Variants in UNC45A observed in about 807,000 individuals in gnomAD.
The protein encoded by UNC45A is protein unc-45 homolog A.
In UNC45A, 78 loss-of-function variants were observed where a neutral mutation model predicts 103.2. The ratio of observed to expected loss-of-function variants is 0.76; its 90% CI spans 0.63 to 0.91. The LOEUF is 0.91. Among genes scored for constraint, UNC45A ranks in the 40% least tolerant of loss-of-function variants. The probability of loss-of-function intolerance (pLI) is 0.00; values close to 1 mark genes in which losing one functional copy is unlikely to be tolerated. For synonymous variants in UNC45A, 495 were observed against 504.6 expected, an observed-to-expected ratio of 0.98 and a Z score of 0.25; for missense variants, 1,193 against 1,224.8, an observed-to-expected ratio of 0.97 and a Z score of 0.39.
chr15:90,935,359 G>A lies in UNC45A; in HGVS notation c.35G>A (p.Arg12Gln), dbSNP rs750068354. ...AGTGGTCCAGGGACCCCCGAGCCCCGGCCGGCCACCCCCGGGGTGCGTACC... is the reference window on the plus strand; with the variant it reads ...AGTGGTCCAGGGACCCCCGAGCCCCAGCCGGCCACCCCCGGGGTGCGTACC... Reference protein sequence around the residue: ...TVSGPGTPEPRPATPGASSVE... With the variant: ...TVSGPGTPEPQPATPGASSVE... Residue 12 changes from arginine to glutamine, a missense_variant, in exon 1 of 20, where the codon CGG (arginine) becomes CAG (glutamine). Transcript: ENST00000418476. 3.7e-6 allele frequency: 6 copies of A among 1,602,362 alleles called. No homozygotes were observed. The highest frequency in any genetic ancestry group is 3.4e-6 in the Non-Finnish European group (4 of 1,175,672).
intron 4 of UNC45A, among the ~76,000 whole-genome samples, chr15:90,939,024 G>A (rs2151357928): frequency 6.6e-6 from 1 of 151,662 alleles, no homozygotes; most frequent in East Asian, 2.0e-4. Context: ...TTATTGCCCA[G>A]GTTAGAGTGC....
intron 17 of UNC45A, among the ~76,000 whole-genome samples, chr15:90,951,835 T>C (rs1295484243): frequency 1.3e-5 from 2 of 152,142 alleles, no homozygotes; most frequent in Admixed American, 6.6e-5. Flanking sequence ...GGAGGATCAC[T>C]TGAGCCTGGG....
chr15:90,931,666 C>A (rs1167413946), upstream of UNC45A: 1 of 1,613,754 alleles, frequency 6.2e-7, no homozygotes, highest in Admixed American at 1.7e-5. Context: ...AGGCGGCATC[C>A]CCCTCCCTTT....
In UNC45A at chr15:90,950,197, C is replaced by G. The variant is rs1243314682; in HGVS notation, c.2117C>G (p.Thr706Arg). The G allele has an allele frequency of 2.6e-6, 4 of 1,551,612 alleles. No homozygotes were observed. Among genetic ancestry groups the G allele is most frequent in the Non-Finnish European group, 3.5e-6 (4 of 1,147,018 alleles). ...LALEGTDVGQ[T>R]KAAQALAKLT... ...CTGGAAGGCACGGACGTGGGGCAGA[C>G]AAAGGCAGCCCAGGCCCTTGCCAAG... is the stretch of plus-strand genomic sequence containing the variant. The change falls in exon 16 of 20, where the codon ACA becomes AGA. Residue 706 changes from threonine to arginine, a missense_variant. Transcript: ENST00000418476.
In UNC45A at chr15:90,943,028, C is replaced by T. The variant is rs79580307; in HGVS notation, c.973C>T (p.Arg325Trp). Residue 325 changes from arginine (R) to tryptophan (W), a missense_variant, in exon 8 of 20, where the codon CGG becomes TGG. Physicochemically the swap from Arg to Trp is moderately radical, Grantham distance 101 (BLOSUM62 -3). Coordinates refer to ENST00000418476, the MANE Select transcript of UNC45A (RefSeq NM_018671.5). ...GACCCTCCTGATTAAAGCGGTGCCC[C>T]GGAAGTCTCTCAAGGACCCCAACAA... ...ALTLLIKAVPRKSLKDPNNSL... is the reference protein window; with the variant it reads ...ALTLLIKAVPWKSLKDPNNSL... 8.0e-4 allele frequency: 1,290 copies of T among 1,614,154 alleles called. 2 individuals carry two copies. Among genetic ancestry groups the T allele is most frequent in the Non-Finnish European group, 1.0e-3 (1,175 of 1,180,018 alleles).
At chr15:90,949,117 C>G (rs939462565) in intron 13 of UNC45A, among the ~76,000 whole-genome samples, 199 bp from the exon 14 acceptor site, 3 of 152,038 alleles carry the variant, frequency 2.0e-5, no homozygotes, top group Non-Finnish European at 4.4e-5. Context: ...ACCTCGTGAT[C>G]CGCCTGCCTC....
At position 90,948,739 on chromosome 15, in the gene UNC45A, A is replaced by G. The variant is rs771112612; in HGVS notation, c.1823A>G (p.Lys608Arg). The G allele has an allele frequency of 6.2e-6, 10 of 1,613,830 alleles. No individual in the cohort carries two copies. The highest frequency in any genetic ancestry group is 8.5e-6 in the Non-Finnish European group (10 of 1,179,962). The change falls in exon 13 of 20, where the codon AAG becomes AGG. Residue 608 changes from lysine (K) to arginine (R), a missense_variant. Lys to Arg is a conservative substitution (Grantham distance 26, BLOSUM62 2). Coordinates refer to ENST00000418476, the MANE Select transcript of UNC45A (RefSeq NM_018671.5). ...NSYDYEEPDP[K>R]MVELAKYAKQ... ...TATGACTACGAGGAGCCCGACCCCAAGATGGTGGAGCTGGCCAAGTATGCC... is the reference window on the plus strand; with the variant it reads ...TATGACTACGAGGAGCCCGACCCCAGGATGGTGGAGCTGGCCAAGTATGCC...
At chr15:90,935,903 A>G in intron 2 of UNC45A, 43 bp from the exon 3 acceptor site, 1 of 1,613,494 alleles carries the variant, frequency 6.2e-7, no homozygotes, top group South Asian at 1.1e-5. Flanking sequence ...GTGCCCCGAG[A>G]GGGAGATGAC....
chr15:90,948,883 T>TC, intron 13 of UNC45A, 89 bp downstream of exon 13: 1 of 1,396,576 alleles, frequency 7.2e-7, no homozygotes, highest in East Asian at 2.5e-5. Flanking sequence ...CCCTTTTTTT[T>TC]TTTTTTTTTT....
upstream of UNC45A, chr15:90,933,352 CACTT>C (rs1452772444): frequency 6.6e-6 from 1 of 152,514 alleles, no homozygotes; most frequent in African/African-American, 2.4e-5. Flanking sequence ...ACTGGAATAA[CACTT>C]AATTCTGCTG....
rs565701286 is a variant in UNC45A at position 90,946,316 on chromosome 15, C to T, written c.1200-298C>T. The stretch of plus-strand genomic sequence containing the variant: ...GAGCTTACAGCTGTTGGGGAGAAAA[C>T]TGATGATAAATTATGAAATAAGCCG... On this transcript the variant is annotated intron_variant, in intron 9 of 19. Transcript: ENST00000418476. Among the ~76,000 whole-genome samples, 33 of 150,016 alleles carry T rather than the reference C, an allele frequency of 2.2e-4. No homozygotes were observed. The South Asian group carries it at 6.0e-3, about 27-fold the overall frequency.
At position 90,952,659 on chromosome 15, in the gene UNC45A, A is replaced by C; in HGVS notation, c.2304-270A>C. ...AGGCTGGTCTCGAACTCTTGACCTC[A>C]AGTCATCTGCCTGCCTCGGCCTTCC... On this transcript the variant is annotated intron_variant, in intron 17 of 19. Coordinates refer to ENST00000418476, the MANE Select transcript of UNC45A (RefSeq NM_018671.5). The C allele has an allele frequency of 9.5e-6, 4 of 422,460 alleles. No individual in the cohort carries two copies. In the South Asian group the frequency reaches 1.1e-4, roughly 12 times the overall value. 26.2% of individuals were successfully genotyped at this position (422,460 alleles called of 1,614,324 possible). A position where few individuals can be genotyped will look rare whatever the true frequency, so the allele number is the denominator to read the frequency against.
Position 90,953,166 on chromosome 15 carries a change from C to T in UNC45A, c.2433C>T (p.Leu811=), listed in dbSNP as rs766229864. Residue 811 remains leucine (L), a synonymous_variant, in exon 19 of 20, where the codon CTC becomes CTT. Coordinates refer to ENST00000418476, the MANE Select transcript of UNC45A (RefSeq NM_018671.5). ...ACATCTGGCCACAGGTGCAGGACCT[C>T]TTCGAAGCCCAGGGCAATGACCGAC... ...NLAMSKEVQD[L]FEAQGNDRLK... 6.2e-7 allele frequency: 1 copy of T among 1,613,682 alleles called. No homozygotes were observed. Among genetic ancestry groups the T allele is most frequent in the Non-Finnish European group, 8.5e-7 (1 of 1,179,852 alleles).
In UNC45A at chr15:90,940,408, G is replaced by A. The variant is rs746059582; in HGVS notation, c.622G>A (p.Glu208Lys). ...CTTGCAACGTTTACTGGACATGGGA[G>A]AGACTGACCTCATGCTGGCGGCTCT... ...QLLQRLLDMG[E>K]TDLMLAALRT... The change falls in exon 6 of 20, where the codon GAG becomes AAG. Residue 208 changes from glutamate to lysine, a missense_variant. Glu to Lys is a moderately conservative substitution (Grantham distance 56, BLOSUM62 1). Coordinates refer to ENST00000418476, the MANE Select transcript of UNC45A (RefSeq NM_018671.5). 2 of 1,614,178 alleles carry A rather than the reference G, an allele frequency of 1.2e-6. No homozygotes were observed. The highest frequency in any genetic ancestry group is 3.3e-5 in the Admixed American group (2 of 60,014).
intron 16 of UNC45A, 100 bp from the exon 17 acceptor site, chr15:90,950,400 G>C (rs1057010319): frequency 6.8e-7 from 1 of 1,470,166 alleles, no homozygotes; most frequent in East Asian, 2.4e-5. Flanking sequence ...GACAGCCTGA[G>C]ACAGCAGTAC....
intron 12 of UNC45A, 68 bp downstream of exon 12, chr15:90,948,351 G>A (rs938050144): frequency 1.8e-5 from 28 of 1,589,944 alleles, no homozygotes; most frequent in African/African-American, 2.7e-5. Flanking sequence ...AGGCTTTCTC[G>A]GCAGGGCTTG....
At chr15:90,948,428 G>C in intron 12 of UNC45A, 145 bp downstream of exon 12, 1 of 1,343,998 alleles carries the variant, frequency 7.4e-7, no homozygotes, top group Non-Finnish European at 1.0e-6. Flanking sequence ...TGTAGTGTGG[G>C]CATGTTGGCC....
upstream of UNC45A, chr15:90,934,683 T>C (rs554722124): frequency 8.8e-5 from 35 of 398,100 alleles, no homozygotes; most frequent in Non-Finnish European, 1.3e-4. Context: ...CAGAAAATCA[T>C]GTAGATCATG....
chr15:90,951,210 T>G lies in UNC45A; in HGVS notation c.2303+595T>G, dbSNP rs568557880. Among the ~76,000 whole-genome samples, 34 of 152,334 alleles carry G rather than the reference T, an allele frequency of 2.2e-4. 1 individual carries two copies. Among genetic ancestry groups the G allele is most frequent in the African/African-American group, 7.2e-4 (30 of 41,584 alleles). ...TTTGTAGAGATGGCGCTTTACCATG[T>G]TGGTCAGGCTGGTCTAGATCTCCTG... On this transcript the variant is annotated intron_variant, in intron 17 of 19. Transcript: ENST00000418476.
Sources: gnomAD v4.1 joint callset for allele counts (sites outside exome capture counted in the v4.1 genomes callset) on GRCh38, gnomAD v4.1.1 for gene constraint, MANE v1.5 for transcripts, NCBI Gene and HGNC (gene_info 2026-07-23, HGNC 2026-07-21) for gene names.